Variants in VSTM4 observed in about 807,000 individuals in gnomAD.
The protein encoded by VSTM4 is V-set and transmembrane domain-containing protein 4.
Under a neutral mutation model 36.4 loss-of-function variants are expected in VSTM4, and 20 were observed. The observed-to-expected ratio is 0.55, with a 90% CI of 0.39 to 0.80. VSTM4 has a LOEUF of 0.80. Ranked by LOEUF, VSTM4 falls within the 30% of genes least tolerant of loss-of-function variation. The probability of loss-of-function intolerance (pLI) is 0.00; values close to 1 mark genes in which losing one functional copy is unlikely to be tolerated. For missense variants in VSTM4, 392 were observed against 404.5 expected, an observed-to-expected ratio of 0.97 and a Z score of 0.26; for synonymous variants, 182 against 173.9, an observed-to-expected ratio of 1.05 and a Z score of -0.37.
chr10:49,047,104 C>T (rs1843624458), intron 6 of VSTM4, 60 bp from the exon 7 acceptor site: 1 of 1,494,578 alleles, frequency 6.7e-7, no homozygotes. Flanking sequence ...AGTGGCCACA[C>T]ATTATGAGCA....
Position 49,047,920 on chromosome 10 carries a change from T to C in VSTM4, c.775+558A>G, listed in dbSNP as rs150680878. On this transcript the variant is annotated intron_variant, in intron 6 of 7. Coordinates refer to ENST00000332853, the MANE Select transcript of VSTM4 (RefSeq NM_001031746.5). ...GACCAGTTATTTTAGGAACTATCTA[T>C]AGTCAGTCTTGGTTCTCCTAATACT... Among the ~76,000 whole-genome samples the C allele has an allele frequency of 4.6e-3, 700 of 152,358 alleles. 7 individuals are homozygous for C. The highest frequency in any genetic ancestry group is 0.016 in the African/African-American group (668 of 41,584).
At chr10:49,115,408 C>A (rs1440147534) in intron 1 of VSTM4, 23 bp downstream of exon 1, 15 of 1,017,420 alleles carry the variant, frequency 1.5e-5, no homozygotes, top group Non-Finnish European at 1.8e-5. Context: ...CTTCCCGCTC[C>A]CGCCTGGCCC....
chr10:49,036,448 T>G (rs1295546167), intron 7 of VSTM4, among the ~76,000 whole-genome samples: 1 of 152,192 alleles, frequency 6.6e-6, no homozygotes, highest in Non-Finnish European at 1.5e-5. Flanking sequence ...ATTATGAACA[T>G]ATTTTATGCA....
intron 5 of VSTM4, among the ~76,000 whole-genome samples, chr10:49,052,208 G>C (rs1348429902): frequency 6.6e-6 from 1 of 152,218 alleles, no homozygotes; most frequent in Non-Finnish European, 1.5e-5. Context: ...TTTTTGACAA[G>C]TTAGTACTAC....
At chr10:49,102,351 G>T (rs1844683004) in intron 2 of VSTM4, 11 of 942,438 alleles carry the variant, frequency 1.2e-5, no homozygotes, top group Non-Finnish European at 1.3e-5. Flanking sequence ...GGCCAGGCTG[G>T]TCTTGAACTC....
chr10:49,093,271 C>T (rs1844510993), intron 2 of VSTM4, among the ~76,000 whole-genome samples: 1 of 152,082 alleles, frequency 6.6e-6, no homozygotes, highest in Admixed American at 6.5e-5. Flanking sequence ...GGGGTCGGAG[C>T]CCCACAGCTC....
intron 2 of VSTM4, among the ~76,000 whole-genome samples, chr10:49,101,631 A>G (rs917460643): frequency 6.6e-6 from 1 of 152,362 alleles, no homozygotes; most frequent in Admixed American, 6.5e-5. Context: ...GGGAAATATC[A>G]TGCAATGATG....
intron 2 of VSTM4, among the ~76,000 whole-genome samples, chr10:49,106,806 G>A (rs779732948): frequency 1.2e-4 from 19 of 152,220 alleles, no homozygotes; most frequent in Admixed American, 5.2e-4. Context: ...GCCCCTTCTC[G>A]ACTAAGCCTC....
chr10:49,026,408 C>G (rs1843262640), intron 7 of VSTM4, among the ~76,000 whole-genome samples: 1 of 152,248 alleles, frequency 6.6e-6, no homozygotes, highest in Non-Finnish European at 1.5e-5. Context: ...TTTTTGTAAT[C>G]TACCTAAAGG....
intron 5 of VSTM4, among the ~76,000 whole-genome samples, chr10:49,051,193 T>A (rs910167053): frequency 6.6e-6 from 1 of 152,168 alleles, no homozygotes; most frequent in Non-Finnish European, 1.5e-5. Flanking sequence ...GTATCCTCTG[T>A]GCTCTGCCTA....
Position 49,064,261 on chromosome 10 carries a change from CT to C in VSTM4, c.668+441del, listed in dbSNP as rs138920010. 2.7e-4 allele frequency: 43 copies of C among 157,578 alleles called. 1 individual carries two copies. The East Asian group carries it at 7.9e-3, about 29-fold the overall frequency. The allele number at this position is 157,578 out of a possible 1,614,324, so 9.8% of individuals were successfully genotyped here. A position where few individuals can be genotyped will look rare whatever the true frequency, so the allele number is the denominator to read the frequency against. ...ATCAGAAGTCCCAAATTTTTAAACG[CT>C]TTGAATTAGCACTATCTCTTATAAC... On this transcript the variant is annotated intron_variant, in intron 5 of 7. Coordinates refer to ENST00000332853, the MANE Select transcript of VSTM4 (RefSeq NM_001031746.5).
At chr10:49,044,284 T>C (rs1308776204) in intron 7 of VSTM4, among the ~76,000 whole-genome samples, 2 of 151,550 alleles carry the variant, frequency 1.3e-5, no homozygotes, top group Non-Finnish European at 2.9e-5. Context: ...GCCGAGGTAG[T>C]ACCACTGCAT....
Position 49,017,687 on chromosome 10 carries a change from C to T in VSTM4, c.*1963G>A, listed in dbSNP as rs542297211. The T allele has an allele frequency of 2.6e-5, 4 of 152,266 alleles. No homozygotes were observed. The East Asian group carries it at 5.8e-4, about 22-fold the overall frequency. 9.4% of individuals were successfully genotyped at this position (152,266 alleles called of 1,614,324 possible). ...TTACCCCCTGGCCTGTTGCCCTCTTCCCGCCATTTCCTTTTCATGTGCCCC... is the reference window on the plus strand; with the variant it reads ...TTACCCCCTGGCCTGTTGCCCTCTTTCCGCCATTTCCTTTTCATGTGCCCC... On this transcript the variant is annotated 3_prime_UTR_variant, in exon 8 of 8. Transcript: ENST00000332853.
chr10:49,034,043 C>T (rs1355295230), intron 7 of VSTM4, among the ~76,000 whole-genome samples: 2 of 151,374 alleles, frequency 1.3e-5, no homozygotes, highest in South Asian at 2.1e-4. Flanking sequence ...ATCATCATCA[C>T]TATCATCATC....
At chr10:49,106,479 G>C (rs1267033201) in intron 2 of VSTM4, among the ~76,000 whole-genome samples, 2 of 152,198 alleles carry the variant, frequency 1.3e-5, no homozygotes, top group Non-Finnish European at 2.9e-5. Flanking sequence ...TATGGCACTT[G>C]GTAGCTGAGA....
chr10:49,057,033 C>G (rs1236613586), intron 5 of VSTM4, among the ~76,000 whole-genome samples: 1 of 151,732 alleles, frequency 6.6e-6, no homozygotes, highest in Non-Finnish European at 1.5e-5. Flanking sequence ...GAGGAGGGGC[C>G]AGGCTCTTTT....
chr10:49,049,228 A>C (rs765615687), intron 5 of VSTM4, among the ~76,000 whole-genome samples: 2 of 152,192 alleles, frequency 1.3e-5, no homozygotes, highest in African/African-American at 4.8e-5. Context: ...GACCCTGTGT[A>C]ATTACTGCAG....
chr10:49,081,921 C>T (rs1268766956), intron 3 of VSTM4, among the ~76,000 whole-genome samples: 5 of 152,206 alleles, frequency 3.3e-5, no homozygotes, highest in East Asian at 3.8e-4. Context: ...ACCAGTATGC[C>T]TATGTTCCGA....
chr10:49,033,002 T>A (rs1409487686), intron 7 of VSTM4, among the ~76,000 whole-genome samples: 1 of 151,322 alleles, frequency 6.6e-6, no homozygotes, highest in Non-Finnish European at 1.5e-5. Context: ...TTGGGCAGAC[T>A]CTATCAAAAT....
Sources: gnomAD v4.1 joint callset for allele counts (sites outside exome capture counted in the v4.1 genomes callset) on GRCh38, gnomAD v4.1.1 for gene constraint, MANE v1.5 for transcripts, NCBI Gene and HGNC (gene_info 2026-07-23, HGNC 2026-07-21) for gene names.